Variants in PDK3 observed in about 807,000 individuals in gnomAD.
PDK3 encodes the protein pyruvate dehydrogenase kinase, isozyme 3.
A neutral mutation model predicts 32.0 loss-of-function variants in PDK3; 12 were observed. The observed-to-expected ratio is 0.37, with a 90% CI of 0.24 to 0.61. The LOEUF (loss-of-function observed/expected upper bound fraction) is 0.61, where lower values mean the gene tolerates loss of function less well. Ranked by LOEUF, PDK3 falls within the 20% of genes least tolerant of loss-of-function variation. PDK3 has a pLI of 0.65. For synonymous variants in PDK3, 122 were observed against 116.3 expected (o/e 1.05, Z -0.31); for missense variants, 188 against 316.9 (o/e 0.59, Z 3.09).
At chrX:24,522,710 A>G (rs1176604989) in intron 6 of PDK3, among the ~76,000 whole-genome samples, 1 of 110,758 alleles carries the variant, frequency 9.0e-6, no homozygotes, top group Non-Finnish European at 1.9e-5. Flanking sequence ...GTTCGAGACC[A>G]GCCTGGCCAA....
intron 1 of PDK3, among the ~76,000 whole-genome samples, chrX:24,493,503 A>G (rs914758977): frequency 9.0e-6 from 1 of 111,260 alleles, no homozygotes; most frequent in Non-Finnish European, 1.9e-5. Context: ...GGAAGAGAAA[A>G]TTGTTAAATG....
chrX:24,526,311 A>G (rs774461722), intron 7 of PDK3, 37 bp downstream of exon 7: 3 of 902,958 alleles, frequency 3.3e-6, no homozygotes, highest in Non-Finnish European at 4.8e-6. Flanking sequence ...AGAAGTCTTC[A>G]TTTTAAATTA....
intron 7 of PDK3, 120 bp downstream of exon 7, chrX:24,526,394 C>G (rs1036099450): frequency 2.2e-6 from 1 of 453,679 alleles, no homozygotes; most frequent in African/African-American, 2.4e-5. Flanking sequence ...TTTAAAAATT[C>G]TATTTCTGAT....
intron 5 of PDK3, among the ~76,000 whole-genome samples, chrX:24,505,839 C>T (rs913045302): frequency 1.8e-5 from 2 of 111,227 alleles, no homozygotes; most frequent in Non-Finnish European, 3.8e-5. Flanking sequence ...CAGCAGTTTC[C>T]TCATTATTTA....
At chrX:24,507,352 C>A (rs1340118334) in intron 5 of PDK3, among the ~76,000 whole-genome samples, 1 of 112,216 alleles carries the variant, frequency 8.9e-6, no homozygotes, top group African/African-American at 3.2e-5. Context: ...TACTTTATTC[C>A]TTTTTATGGC....
At chrX:24,544,628 C>G (rs186258020) in exon 12 of PDK3, among the ~76,000 whole-genome samples, 1 of 111,929 alleles carries the variant, frequency 8.9e-6, no homozygotes, top group African/African-American at 3.2e-5. Context: ...GCTGGAGACT[C>G]GGAGAAATGC....
At chrX:24,497,294 T>C (rs1921739288) in intron 2 of PDK3, among the ~76,000 whole-genome samples, 1 of 111,371 alleles carries the variant, frequency 9.0e-6, no homozygotes, top group Admixed American at 9.5e-5. Context: ...TTATTTTATT[T>C]ATTTTTTTGA....
chrX:24,475,932 G>A (rs748069046), intron 1 of PDK3, among the ~76,000 whole-genome samples: 1 of 111,653 alleles, frequency 9.0e-6, no homozygotes, highest in African/African-American at 3.3e-5. Flanking sequence ...TCTATTGATG[G>A]TTGGGTGGTT....
At chrX:24,518,848 CA>C in intron 5 of PDK3, 84 bp from the exon 6 acceptor site, 1 of 344,317 alleles carries the variant, frequency 2.9e-6, no homozygotes, top group Non-Finnish European at 4.5e-6. Context: ...CACACACACA[CA>C]CACACACACA....
chrX:24,477,207 G>A (rs1348996040), intron 1 of PDK3, among the ~76,000 whole-genome samples: 1 of 111,795 alleles, frequency 8.9e-6, no homozygotes, highest in Admixed American at 9.5e-5. Flanking sequence ...CAGTTTCTCC[G>A]TAGCCCTGCC....
intron 3 of PDK3, among the ~76,000 whole-genome samples, chrX:24,501,099 A>C (rs772658061): frequency 9.0e-6 from 1 of 111,716 alleles, no homozygotes; most frequent in South Asian, 3.8e-4. Flanking sequence ...ATTTCATCAA[A>C]TATTTCAGAA....
At position 24,494,811 on chromosome X, in the gene PDK3, A is replaced by C; in HGVS notation, c.176A>C (p.Asn59Thr). The change falls in exon 2 of 11, where the codon AAC becomes ACC. Residue 59 changes from asparagine (N) to threonine (T), a missense_variant. Physicochemically the swap from Asn to Thr is moderately conservative, Grantham distance 65. Transcript: ENST00000379162. ...AAGGAACTTCCTGTGCGGCTGGCTA[A>C]CACAATGAGAGAAGTTAATCTTCTG... ...LRKELPVRLANTMREVNLLPD... is the reference protein window; with the variant it reads ...LRKELPVRLATTMREVNLLPD... 1 of 1,201,870 alleles carries C rather than the reference A, an allele frequency of 8.3e-7. No individual in the cohort carries two copies. The highest frequency in any genetic ancestry group is 3.0e-5 in the East Asian group (1 of 33,752).
At chrX:24,494,977 G>A (rs894118152) in intron 2 of PDK3, 94 bp downstream of exon 2, 12 of 732,767 alleles carry the variant, frequency 1.6e-5, no homozygotes, top group African/African-American at 8.7e-5. Context: ...CATACTGCCC[G>A]TCTAGGTAGG....
At chrX:24,473,683 C>G (rs950273302) in intron 1 of PDK3, among the ~76,000 whole-genome samples, 1 of 110,883 alleles carries the variant, frequency 9.0e-6, no homozygotes, top group East Asian at 2.9e-4. Context: ...GTGATCTACC[C>G]GCCTCTGCCT....
intron 1 of PDK3, among the ~76,000 whole-genome samples, chrX:24,485,748 G>A (rs929462886): frequency 1.8e-5 from 2 of 111,488 alleles, no homozygotes; most frequent in East Asian, 5.7e-4. Context: ...TGGTATTAGC[G>A]CCCACTGAAA....
intron 1 of PDK3, among the ~76,000 whole-genome samples, chrX:24,480,332 T>C (rs1921221797): frequency 1.8e-5 from 2 of 111,550 alleles, no homozygotes; most frequent in African/African-American, 6.5e-5. Context: ...AATAAAAAAT[T>C]GGGGATGCTT....
chrX:24,465,688 G>C, intron 1 of PDK3, 127 bp downstream of exon 1: 1 of 518,093 alleles, frequency 1.9e-6, no homozygotes. Flanking sequence ...TATCCGGGGG[G>C]CTCTCCTGGG....
At chrX:24,514,174 G>C (rs1271846769) in intron 5 of PDK3, among the ~76,000 whole-genome samples, 1 of 112,346 alleles carries the variant, frequency 8.9e-6, no homozygotes, top group Non-Finnish European at 1.9e-5. Context: ...TTTCCTGTGT[G>C]CTATTTCTTA....
rs1309450351 is a variant in PDK3, at chrX:24,533,925, A to G, written c.1078-4A>G. 1.7e-6 allele frequency: 2 copies of G among 1,194,890 alleles called. No homozygotes were observed. The highest frequency in any genetic ancestry group is 2.3e-6 in the Non-Finnish European group (2 of 885,830). On this transcript the variant is annotated splice_region_variant and splice_polypyrimidine_tract_variant and intron_variant, in intron 10 of 10. Transcript: ENST00000379162. ...TTTGGTGTATATTTTTGTTTCTCCA[A>G]TAGGCTCTTTCAAGTGAGTCATTTG...
Sources: allele counts gnomAD v4.1 joint callset (sites outside exome capture counted in the v4.1 genomes callset), GRCh38; gene constraint gnomAD v4.1.1; transcripts MANE v1.5; gene names NCBI Gene and HGNC (gene_info 2026-07-23, HGNC 2026-07-21).